AFF2: variants seen among roughly 807,000 people sequenced by gnomAD.
AFF2 encodes the protein AF4/FMR2 family member 2.
A neutral mutation model predicts 76.9 loss-of-function variants in AFF2; 14 were observed. That is an observed-to-expected ratio of 0.18 (90% CI 0.12 to 0.28). The LOEUF is 0.28. AFF2 is among the 10% of genes least tolerant of loss of function. The pLI is 1.00. For missense variants in AFF2, 868 were observed against 1,001.1 expected (o/e 0.87, Z 1.79); for synonymous variants, 398 against 366.7 (o/e 1.09, Z -0.98).
At chrX:148,552,025 C>G (rs2052999859) in intron 1 of AFF2, among the ~76,000 whole-genome samples, 1 of 112,628 alleles carries the variant, frequency 8.9e-6, no homozygotes, top group Admixed American at 9.4e-5. Context: ...CATATTGTCA[C>G]ACATCATTGC....
At chrX:148,759,518 C>T (rs1303885271) in intron 3 of AFF2, among the ~76,000 whole-genome samples, 1 of 112,126 alleles carries the variant, frequency 8.9e-6, no homozygotes, top group Non-Finnish European at 1.9e-5. Flanking sequence ...TGCAGTGTGA[C>T]AATGAAGGCC....
rs79073692 is a variant in AFF2, at chrX:148,916,927, T to G, written c.1397+12669T>G. ...TATCATATAACAACAGCTCAGTATC[T>G]TGAATGAGTAAGTGCAAACATCTAA... is the stretch of plus-strand genomic sequence containing the variant. On this transcript the variant is annotated intron_variant, in intron 9 of 20. Transcript: ENST00000370460. Among the ~76,000 whole-genome samples the G allele has an allele frequency of 3.6e-5, 4 of 112,062 alleles. No individual in the cohort carries two copies. In the East Asian group the frequency reaches 1.1e-3, roughly 31 times the overall value.
chrX:148,566,542 C>G (rs1426487664), intron 1 of AFF2, among the ~76,000 whole-genome samples: 3 of 111,004 alleles, frequency 2.7e-5, no homozygotes, highest in African/African-American at 9.8e-5. Context: ...ACAGTTGCAT[C>G]CCCCTTAGGT....
At chrX:148,886,222 ATCTC>A (rs1227942257) in intron 8 of AFF2, among the ~76,000 whole-genome samples, 1 of 111,114 alleles carries the variant, frequency 9.0e-6, no homozygotes, top group African/African-American at 3.3e-5. Context: ...ACCCCCTCCC[ATCTC>A]TCTCTCTGTT....
At chrX:148,516,580 T>C (rs375780248) in intron 1 of AFF2, among the ~76,000 whole-genome samples, 65 of 111,896 alleles carry the variant, frequency 5.8e-4, no homozygotes, top group Middle Eastern at 4.6e-3. Context: ...CAGACACTCA[T>C]CTGAACACTT....
At chrX:148,850,216 A>C (rs1204276966) in intron 7 of AFF2, among the ~76,000 whole-genome samples, 1 of 112,065 alleles carries the variant, frequency 8.9e-6, no homozygotes, top group Non-Finnish European at 1.9e-5. Context: ...ATTGTGCCAC[A>C]TTAAAGTGAA....
intron 1 of AFF2, among the ~76,000 whole-genome samples, chrX:148,640,521 C>T (rs1394331077): frequency 8.9e-6 from 1 of 112,198 alleles, no homozygotes; most frequent in African/African-American, 3.2e-5. Flanking sequence ...TTCATGCTCC[C>T]CTAGCTGACA....
chrX:148,880,866 C>T (rs1465223502), intron 7 of AFF2, among the ~76,000 whole-genome samples: 1 of 111,564 alleles, frequency 9.0e-6, no homozygotes, highest in Non-Finnish European at 1.9e-5. Context: ...CAGGAAAGCA[C>T]GTGGCAACTC....
intron 3 of AFF2, among the ~76,000 whole-genome samples, chrX:148,793,484 G>A (rs782424042): frequency 2.7e-5 from 3 of 111,564 alleles, no homozygotes; most frequent in South Asian, 3.8e-4. Context: ...GTAAGGTGGG[G>A]CACAACTCCT....
chrX:148,974,761 A>C (rs5936239), intron 16 of AFF2, among the ~76,000 whole-genome samples: 1 of 111,079 alleles, frequency 9.0e-6, no homozygotes, highest in South Asian at 3.8e-4. Context: ...ACTGCTCTGA[A>C]ATGTAGGCAC....
At chrX:148,554,252 A>G (rs1876165673) in intron 1 of AFF2, among the ~76,000 whole-genome samples, 1 of 112,648 alleles carries the variant, frequency 8.9e-6, no homozygotes, top group South Asian at 3.6e-4. Context: ...AACATCAACC[A>G]TATGCCAGGT....
At chrX:148,849,464 T>C (rs782714696) in intron 7 of AFF2, among the ~76,000 whole-genome samples, 1 of 101,320 alleles carries the variant, frequency 9.9e-6, no homozygotes, top group Admixed American at 1.1e-4. Context: ...CTAGATTTCA[T>C]TTTTTTTTTC....
intron 7 of AFF2, among the ~76,000 whole-genome samples, chrX:148,845,586 C>T (rs1569556132): frequency 8.9e-6 from 1 of 112,517 alleles, no homozygotes; most frequent in Admixed American, 9.4e-5. Context: ...TAACATAGGA[C>T]AGATCAGAAT....
intron 17 of AFF2, 138 bp downstream of exon 17, chrX:148,978,142 C>A (rs2072349170): frequency 7.8e-6 from 4 of 513,157 alleles, no homozygotes; most frequent in African/African-American, 4.7e-5. Flanking sequence ...TAATGGATTT[C>A]TTCAGTCACT....
intron 9 of AFF2, among the ~76,000 whole-genome samples, chrX:148,920,633 C>CGTGTGTGTGCGCGT (rs2071583707): frequency 9.5e-6 from 1 of 104,753 alleles, no homozygotes; most frequent in Non-Finnish European, 2.0e-5. Context: ...TGTGTGTGCG[C>CGTGTGTGTGCGCGT]GTGTGTGTGT....
intron 3 of AFF2, among the ~76,000 whole-genome samples, chrX:148,746,302 A>G (rs930031949): frequency 1.0e-4 from 11 of 110,066 alleles, no homozygotes; most frequent in African/African-American, 3.8e-4. Flanking sequence ...TGTTTGTAAG[A>G]TGCTATTTAG....
intron 2 of AFF2, 31 bp from the exon 3 acceptor site, chrX:148,661,876 CT>C: frequency 8.6e-7 from 1 of 1,157,414 alleles, no homozygotes. Flanking sequence ...TTCATTCTCT[CT>C]CCTCCCACCC....
chrX:148,704,232 G>GTA (rs1217864956), intron 3 of AFF2, among the ~76,000 whole-genome samples: 2 of 97,023 alleles, frequency 2.1e-5, no homozygotes, highest in South Asian at 4.1e-4. Flanking sequence ...ATATATGTGT[G>GTA]TATATATATA....
At chrX:148,786,683 AC>A (rs1390868218) in intron 3 of AFF2, among the ~76,000 whole-genome samples, 25 of 112,331 alleles carry the variant, frequency 2.2e-4, no homozygotes, top group African/African-American at 7.4e-4. Context: ...AGGCCCTATA[AC>A]TAAAGAAGGT....
Sources: allele counts gnomAD v4.1 joint callset (sites outside exome capture counted in the v4.1 genomes callset), GRCh38; gene constraint gnomAD v4.1.1; transcripts MANE v1.5; gene names NCBI Gene and HGNC (gene_info 2026-07-23, HGNC 2026-07-21).